TRAF1: variants seen among roughly 807,000 people sequenced by gnomAD.
TRAF1 encodes the protein TNF receptor associated factor 1, also known as TNF receptor-associated factor 1.
A neutral mutation model predicts 40.9 loss-of-function variants in TRAF1; 23 were observed. That is an observed-to-expected ratio of 0.56 (90% confidence interval 0.40 to 0.80). TRAF1 has a LOEUF of 0.80. TRAF1 is among the 30% of genes least tolerant of loss of function. The pLI is 0.00. For synonymous variants in TRAF1, 206 were observed against 218.8 expected (o/e 0.94, Z 0.52); for missense variants, 477 against 528.7 (o/e 0.90, Z 0.96).
At position 120,904,814 on chromosome 9, in the gene TRAF1, C is replaced by T; in HGVS notation, c.*206G>A. 1 of 609,894 alleles carries T rather than the reference C, an allele frequency of 1.6e-6. No homozygotes were observed. The highest frequency in any genetic ancestry group is 2.9e-6 in the Non-Finnish European group (1 of 348,032). The allele number at this position is 609,894 out of a possible 1,614,324, so 37.8% of individuals were successfully genotyped here. A position where few individuals can be genotyped will look rare whatever the true frequency, so the allele number is the denominator to read the frequency against. On this transcript the variant is annotated 3_prime_UTR_variant, in exon 8 of 8. Coordinates refer to ENST00000373887, the MANE Select transcript of TRAF1 (RefSeq NM_005658.5). ...GGGGAGCAGCTCTGCCTGTCTCCTT[C>T]TGGACCCTTTGCCTTTGTGGGCCCA...
chr9:120,906,586 C>A (rs2046484681), intron 7 of TRAF1, among the ~76,000 whole-genome samples: 1 of 152,128 alleles, frequency 6.6e-6, no homozygotes, highest in Non-Finnish European at 1.5e-5. Flanking sequence ...CAGTACACAA[C>A]CTCCCCCACT....
At chr9:120,908,685 C>G (rs1307019939) in intron 7 of TRAF1, among the ~76,000 whole-genome samples, 1 of 152,062 alleles carries the variant, frequency 6.6e-6, no homozygotes, top group African/African-American at 2.4e-5. Flanking sequence ...TCAGCCTCCC[C>G]AGTAGCTGGG....
intron 3 of TRAF1, among the ~76,000 whole-genome samples, chr9:120,922,593 A>T (rs1039808230): frequency 1.3e-5 from 2 of 152,120 alleles, no homozygotes; most frequent in African/African-American, 4.8e-5. Context: ...GCTCCTGAAA[A>T]TGTCTCTCTG....
At chr9:120,909,480 A>C in intron 6 of TRAF1, 102 bp from the exon 7 acceptor site, 1 of 1,400,706 alleles carries the variant, frequency 7.1e-7, no homozygotes, top group African/African-American at 1.4e-5. Context: ...GCTCAAAACC[A>C]TGAAAGATGG....
upstream of TRAF1, chr9:120,929,037 G>A (rs1183280065): frequency 9.2e-5 from 14 of 152,296 alleles, no homozygotes; most frequent in Non-Finnish European, 2.9e-5. The surrounding 1 kb of genome is among the most constrained non-coding windows in gnomAD (Gnocchi z 4.5). Flanking sequence ...GCGGGAGCTG[G>A]AGCGGGGAGT....
At chr9:120,920,854 C>G (rs1370569722) in intron 3 of TRAF1, among the ~76,000 whole-genome samples, 1 of 152,136 alleles carries the variant, frequency 6.6e-6, no homozygotes, top group Non-Finnish European at 1.5e-5. Flanking sequence ...CCCAGGTTGC[C>G]CCAGATGTGC....
At chr9:120,912,710 G>T (rs2046537574) in intron 5 of TRAF1, among the ~76,000 whole-genome samples, 1 of 152,048 alleles carries the variant, frequency 6.6e-6, no homozygotes, top group African/African-American at 2.4e-5. Flanking sequence ...TAGAATAAGG[G>T]AGAAGACAGC....
At chr9:120,916,905 A>G (rs912046659) in intron 3 of TRAF1, among the ~76,000 whole-genome samples, 1 of 152,020 alleles carries the variant, frequency 6.6e-6, no homozygotes, top group Admixed American at 6.5e-5. Context: ...CTCCTTGGTG[A>G]ATATACCTGG....
At chr9:120,928,977 G>GCCGAGGTGCCAGGTCCCCGGCTGCAC (rs2046658328), upstream of TRAF1, 2 of 152,050 alleles carry the variant, frequency 1.3e-5, no homozygotes, top group African/African-American at 4.8e-5. Flanking sequence ...GGTCTCTGCA[G>GCCGAGGTGCCAGGTCCCCGGCTGCAC]CCGAGGTGCC....
intron 3 of TRAF1, among the ~76,000 whole-genome samples, chr9:120,917,214 T>G (rs971361710): frequency 6.6e-6 from 1 of 152,134 alleles, no homozygotes; most frequent in African/African-American, 2.4e-5. Flanking sequence ...CCTTGAACAG[T>G]TGCTGGAGAA....
chr9:120,913,965 G>A (rs1473409949), intron 4 of TRAF1, among the ~76,000 whole-genome samples: 1 of 152,240 alleles, frequency 6.6e-6, no homozygotes, highest in Non-Finnish European at 1.5e-5. Flanking sequence ...TGGAGTGCAA[G>A]GATGATTCAG....
chr9:120,908,902 G>T (rs2046503835), intron 7 of TRAF1, among the ~76,000 whole-genome samples: 1 of 151,994 alleles, frequency 6.6e-6, no homozygotes, highest in Non-Finnish European at 1.5e-5. Context: ...TTGCCATGTT[G>T]CCCAGGCTGT....
intron 2 of TRAF1, among the ~76,000 whole-genome samples, chr9:120,924,408 G>GT (rs1201076600): frequency 2.0e-5 from 3 of 151,836 alleles, no homozygotes; most frequent in South Asian, 2.1e-4. Context: ...TTTTTTGTCT[G>GT]TTTTTTGGGG....
intron 3 of TRAF1, among the ~76,000 whole-genome samples, chr9:120,915,280 A>G (rs994382654): frequency 1.3e-5 from 2 of 152,252 alleles, no homozygotes; most frequent in African/African-American, 4.8e-5. Context: ...TATTGCCCCT[A>G]GGCTACAAAC....
intron 3 of TRAF1, among the ~76,000 whole-genome samples, chr9:120,919,673 C>T (rs2046592389): frequency 6.6e-6 from 1 of 152,170 alleles, no homozygotes; most frequent in African/African-American, 2.4e-5. Flanking sequence ...TCCTCTGTAA[C>T]TGGGCCGGTT....
At position 120,909,229 on chromosome 9, in the gene TRAF1, C is replaced by A; in HGVS notation, c.1032+1G>T. On this transcript the variant is annotated splice_donor_variant, in intron 7 of 7. Coordinates refer to ENST00000373887, the MANE Select transcript of TRAF1 (RefSeq NM_005658.5). LOFTEE classifies it high-confidence loss of function. ...TACCCCCATCACCTTCACACCCATA[C>A]CTTGTTCCGGAAGGGCCACGGCAGC... 6.2e-7 allele frequency: 1 copy of A among 1,613,674 alleles called. No individual in the cohort carries two copies. The highest frequency in any genetic ancestry group is 8.5e-7 in the Non-Finnish European group (1 of 1,179,908).
At chr9:120,913,974 AG>A (rs1446405778) in intron 4 of TRAF1, among the ~76,000 whole-genome samples, 2 of 152,222 alleles carry the variant, frequency 1.3e-5, no homozygotes, top group Admixed American at 1.3e-4. Flanking sequence ...AGGATGATTC[AG>A]GACCATGGAG....
intron 3 of TRAF1, among the ~76,000 whole-genome samples, chr9:120,917,136 G>A (rs987444133): frequency 6.6e-6 from 1 of 152,216 alleles, no homozygotes; most frequent in Non-Finnish European, 1.5e-5. Context: ...CTGTTTTAGG[G>A]AGTGAAATGC....
At position 120,913,746 on chromosome 9, in the gene TRAF1, G is replaced by A; in HGVS notation, c.295-8C>T. On this transcript the variant is annotated splice_region_variant and splice_polypyrimidine_tract_variant and intron_variant, in intron 4 of 7. Coordinates refer to ENST00000373887, the MANE Select transcript of TRAF1 (RefSeq NM_005658.5). ...CACAGACTGTGGGCTTCCCTGACAA[G>A]AGAGTGGGGCTGATCAGTGAAAACA... 1 of 1,555,890 alleles carries A rather than the reference G, an allele frequency of 6.4e-7. No homozygotes were observed. The highest frequency in any genetic ancestry group is 8.7e-7 in the Non-Finnish European group (1 of 1,148,300).
Sources: allele counts gnomAD v4.1 joint callset (sites outside exome capture counted in the v4.1 genomes callset), GRCh38; gene constraint gnomAD v4.1.1; non-coding constraint Gnocchi (gnomAD v3.1); transcripts MANE v1.5; gene names NCBI Gene and HGNC (gene_info 2026-07-23, HGNC 2026-07-21).